EPN3: variants seen among roughly 807,000 people sequenced by gnomAD.
EPN3 encodes the protein epsin-3.
Under a neutral mutation model 55.5 loss-of-function variants are expected in EPN3, and 56 were observed. The observed-to-expected ratio is 1.01, with a 90% CI of 0.81 to 1.26. EPN3 has a LOEUF of 1.26. Ranked by LOEUF, EPN3 falls within the 50% of genes most tolerant of loss-of-function variation. The pLI, the probability that EPN3 is intolerant of heterozygous loss-of-function variation, is 0.00. For synonymous variants in EPN3, 449 were observed against 375.2 expected, an observed-to-expected ratio of 1.20 and a Z score of -2.27; for missense variants, 927 against 853.4, an observed-to-expected ratio of 1.09 and a Z score of -1.07.
intron 1 of EPN3, among the ~76,000 whole-genome samples, chr17:50,534,887 A>G (rs1412259395): frequency 6.6e-6 from 1 of 152,042 alleles, no homozygotes; most frequent in Non-Finnish European, 1.5e-5. Flanking sequence ...ACGGGCTGGG[A>G]TGGAGGGTGG....
intron 1 of EPN3, among the ~76,000 whole-genome samples, chr17:50,533,731 G>T (rs555807504): frequency 6.4e-4 from 97 of 152,272 alleles, no homozygotes; most frequent in South Asian, 6.2e-3. Context: ...GGAGAGAGCT[G>T]ATACTCCGTG....
intron 7 of EPN3, 24 bp downstream of exon 7, chr17:50,541,086 G>C (rs766465479): frequency 1.1e-5 from 18 of 1,569,898 alleles, no homozygotes; most frequent in Admixed American, 5.2e-5. Context: ...CAGAGAGTGT[G>C]AGTGAGGAGC....
intron 5 of EPN3, among the ~76,000 whole-genome samples, chr17:50,540,028 T>G (rs1226993152): frequency 6.6e-6 from 1 of 152,218 alleles, no homozygotes; most frequent in Non-Finnish European, 1.5e-5. Context: ...GGGTACATCA[T>G]CTGCCCTACC....
rs770799670 is a variant in EPN3 at position 50,536,740 on chromosome 17, C to T, written c.184C>T (p.Arg62Trp). The T allele has an allele frequency of 7.4e-6, 12 of 1,613,996 alleles. No homozygotes were observed. The highest frequency in any genetic ancestry group is 1.6e-4 in the Middle Eastern group (1 of 6,084). Reference protein sequence around the residue: ...AFTEVMGMLWRRLNDSGKNWR... With the variant: ...AFTEVMGMLWWRLNDSGKNWR... ...CACCGAAGTCATGGGCATGCTGTGG[C>T]GGCGGCTCAATGACAGCGGCAAGAA... Residue 62 changes from arginine to tryptophan, a missense_variant, in exon 2 of 10, where the codon CGG becomes TGG. Physicochemically the swap from Arg to Trp is moderately radical, Grantham distance 101. Transcript: ENST00000268933.
At position 50,540,938 on chromosome 17, in the gene EPN3, G is replaced by A. The variant is rs139675779; in HGVS notation, c.1125G>A (p.Arg375=). ...TCTCCTCCTCTGAGCCCTGGGGCAG[G>A]ACCCCAGTGCTGCCTGCTGGGCCCC... ...PMLSSSEPWG[R]TPVLPAGPPT... Residue 375 remains arginine, a synonymous_variant, in exon 7 of 10, where the codon AGG becomes AGA. Transcript: ENST00000268933. 6.2e-7 allele frequency: 1 copy of A among 1,613,854 alleles called. No homozygotes were observed.
chr17:50,538,917 C>A lies in EPN3; in HGVS notation c.715C>A (p.Leu239Met). The change falls in exon 4 of 10, where the codon CTG (leucine) becomes ATG (methionine). Residue 239 changes from leucine (L) to methionine (M), a missense_variant. Coordinates refer to ENST00000268933, the MANE Select transcript of EPN3 (RefSeq NM_017957.3). ...VPPASHRDED[L>M]QLQLALRLSR... ...CCCAGCCTCCCACAGGGACGAGGAC[C>A]TGCAGCTGCAGCTGGCTCTGCGCCT... is the stretch of plus-strand genomic sequence containing the variant. The A allele has an allele frequency of 6.2e-7, 1 of 1,608,514 alleles. No homozygotes were observed. Among genetic ancestry groups the A allele is most frequent in the South Asian group, 1.1e-5 (1 of 90,746 alleles).
chr17:50,541,440 T>C (rs769464154), intron 8 of EPN3, 24 bp from the exon 9 acceptor site: 1 of 1,611,724 alleles, frequency 6.2e-7, no homozygotes, highest in Admixed American at 1.7e-5. Flanking sequence ...TCCCCACCAA[T>C]TAGCTCTAGC....
At chr17:50,535,802 T>C (rs144052987) in intron 1 of EPN3, among the ~76,000 whole-genome samples, 9 of 152,134 alleles carry the variant, frequency 5.9e-5, no homozygotes, top group African/African-American at 2.2e-4. Flanking sequence ...CTACAAAAAT[T>C]AACAATATGA....
Position 50,542,323 on chromosome 17 carries a change from T to C in EPN3, c.*166T>C. ...TGGACGCGGACCACGGCCCGGGAGC[T>C]AGAAACTGAACGCCCGCATAATAAA... On this transcript the variant is annotated 3_prime_UTR_variant, in exon 10 of 10. Coordinates refer to ENST00000268933, the MANE Select transcript of EPN3 (RefSeq NM_017957.3). The C allele has an allele frequency of 1.5e-6, 1 of 663,350 alleles. No individual in the cohort carries two copies. The highest frequency in any genetic ancestry group is 1.9e-5 in the African/African-American group (1 of 51,792). 41.1% of individuals were successfully genotyped at this position (663,350 alleles called of 1,614,324 possible).
At chr17:50,534,473 G>A (rs1229642189) in intron 1 of EPN3, 1 of 985,420 alleles carries the variant, frequency 1.0e-6, no homozygotes, top group Non-Finnish European at 1.2e-6. Context: ...CGTGTGCTGG[G>A]CGGGCTTTGG....
At position 50,542,238 on chromosome 17, in the gene EPN3, G is replaced by A. The variant is rs1346563253; in HGVS notation, c.*81G>A. 1.5e-6 allele frequency: 2 copies of A among 1,362,764 alleles called. No individual in the cohort carries two copies. Among genetic ancestry groups the A allele is most frequent in the East Asian group, 3.2e-5 (1 of 31,624 alleles). The allele number at this position is 1,362,764 out of a possible 1,614,324, so 84.4% of individuals were successfully genotyped here. A position where few individuals can be genotyped will look rare whatever the true frequency, so the allele number is the denominator to read the frequency against. On this transcript the variant is annotated 3_prime_UTR_variant, in exon 10 of 10. Transcript: ENST00000268933. ...CTCCGGACCCGGGGCTGGGCGGGGC[G>A]CCGGTGCTAGTGGAACGCCGAGCCA...
At chr17:50,537,384 C>A (rs960731831) in intron 2 of EPN3, 11 of 523,854 alleles carry the variant, frequency 2.1e-5, no homozygotes, top group Non-Finnish European at 3.8e-5. Flanking sequence ...GGTTTGGAGT[C>A]AGATAGCATT....
At chr17:50,538,694 C>T (rs1165820126) in intron 3 of EPN3, 190 bp from the exon 4 acceptor site, 3 of 514,758 alleles carry the variant, frequency 5.8e-6, no homozygotes, top group Non-Finnish European at 3.5e-6. Context: ...TCTTCCTGAC[C>T]TTTAAACTGC....
rs769329197 is a variant in EPN3, at chr17:50,541,957, G to T, written c.1699G>T (p.Gly567Trp). 6.3e-7 allele frequency: 1 copy of T among 1,596,346 alleles called. No individual in the cohort carries two copies. Reference sequence around the variant, plus strand: ...GCTGGGCCTGGCAGGCGGGCCTGTGGGGGCGCCCCTGGGCTCCATGACCTA... The same window carrying T: ...GCTGGGCCTGGCAGGCGGGCCTGTGTGGGCGCCCCTGGGCTCCATGACCTA... ...PALGLAGGPV[G>W]APLGSMTYSA... Residue 567 changes from glycine (G) to tryptophan (W), a missense_variant, in exon 10 of 10, where the codon GGG becomes TGG. Physicochemically the swap from Gly to Trp is radical, Grantham distance 184. Transcript: ENST00000268933.
At chr17:50,539,911 C>T (rs1338508611) in intron 5 of EPN3, among the ~76,000 whole-genome samples, 1 of 152,184 alleles carries the variant, frequency 6.6e-6, no homozygotes, top group Non-Finnish European at 1.5e-5. Context: ...GCCTTCCTGC[C>T]CCTTTCTGCT....
At chr17:50,534,657 G>C (rs2034732532) in intron 1 of EPN3, 2 of 985,218 alleles carry the variant, frequency 2.0e-6, no homozygotes, top group African/African-American at 1.7e-5. Flanking sequence ...CAAAAGGTAG[G>C]CTGCGCTGTG....
intron 5 of EPN3, 158 bp from the exon 6 acceptor site, chr17:50,540,089 T>G: frequency 1.9e-6 from 1 of 514,000 alleles, no homozygotes; most frequent in South Asian, 3.4e-5. Context: ...TGAAGAAACA[T>G]TATAAACTGT....
chr17:50,540,467 CGCCG>C, intron 6 of EPN3, 133 bp downstream of exon 6: 1 of 851,276 alleles, frequency 1.2e-6, no homozygotes, highest in Admixed American at 2.6e-5. Flanking sequence ...CTTGAGCCTC[CGCCG>C]CCTGTGGGAC....
chr17:50,538,569 A>G (rs1327233037), intron 3 of EPN3: 1 of 395,164 alleles, frequency 2.5e-6, no homozygotes, highest in East Asian at 4.1e-5. Context: ...CAGGCCCCCG[A>G]TATCATCATC....
Sources: gnomAD v4.1 joint callset for allele counts (sites outside exome capture counted in the v4.1 genomes callset) on GRCh38, gnomAD v4.1.1 for gene constraint, MANE v1.5 for transcripts, NCBI Gene and HGNC (gene_info 2026-07-23, HGNC 2026-07-21) for gene names.